TENM2: variants seen among roughly 807,000 people sequenced by gnomAD.
TENM2 encodes the protein teneurin transmembrane protein 2.
TENM2 carries 52 observed loss-of-function variants against 245.2 expected under a neutral mutation model. That is an observed-to-expected ratio of 0.21 (90% CI 0.17 to 0.27). The LOEUF (loss-of-function observed/expected upper bound fraction) is 0.27, where lower values mean the gene tolerates loss of function less well. TENM2 is among the 10% of genes least tolerant of loss of function. The pLI is 1.00. For missense variants in TENM2, 3,046 were observed against 3,666.8 expected (o/e 0.83, Z 4.37); for synonymous variants, 1,363 against 1,438.9 (o/e 0.95, Z 1.19).
At chr5:166,995,296 G>C in the TENM2 span, among the ~76,000 whole-genome samples, 7 of 151,616 alleles carry the variant, frequency 4.6e-5, no homozygotes, top group South Asian at 2.1e-4. Flanking sequence ...CTGGAGTGCA[G>C]TGGCCCAATC....
the TENM2 span, among the ~76,000 whole-genome samples, chr5:167,051,431 G>C: frequency 1.2e-5 from 1 of 85,372 alleles, no homozygotes; most frequent in African/African-American, 1.3e-4. Flanking sequence ...GGTGAATTGG[G>C]AGAAAAAAAA....
intron 1 of TENM2, among the ~76,000 whole-genome samples, chr5:167,286,043 T>TA (rs1350316628): frequency 6.6e-6 from 1 of 152,238 alleles, no homozygotes; most frequent in Non-Finnish European, 1.5e-5. Context: ...TACTACTTTT[T>TA]ATTACAAAAT....
At chr5:167,587,351 G>C (rs1775578622) in intron 2 of TENM2, among the ~76,000 whole-genome samples, 1 of 152,164 alleles carries the variant, frequency 6.6e-6, no homozygotes, top group Non-Finnish European at 1.5e-5. Flanking sequence ...AAATAAGGTA[G>C]TATGTCCGCT....
At chr5:167,932,069 T>A (rs10075943) in intron 3 of TENM2, among the ~76,000 whole-genome samples, 1 of 152,208 alleles carries the variant, frequency 6.6e-6, no homozygotes, top group East Asian at 1.9e-4. Context: ...TTGAGCTGCC[T>A]AGGTGAACAG....
chr5:167,978,950 G>A (rs1782636785), intron 4 of TENM2, among the ~76,000 whole-genome samples: 1 of 152,032 alleles, frequency 6.6e-6, no homozygotes, highest in African/African-American at 2.4e-5. Flanking sequence ...CTCCTAGAAA[G>A]GTGCCAGGAA....
intron 2 of TENM2, among the ~76,000 whole-genome samples, chr5:167,828,516 C>A (rs569321394): frequency 6.6e-6 from 1 of 152,196 alleles, no homozygotes; most frequent in Admixed American, 6.5e-5. Context: ...CGTCCTCAGC[C>A]CTGTTGAAGT....
chr5:167,086,354 T>A, the TENM2 span, among the ~76,000 whole-genome samples: 4 of 152,312 alleles, frequency 2.6e-5, no homozygotes, highest in East Asian at 7.7e-4. Context: ...GTCGCTGGGA[T>A]TCTGGGACAT....
At chr5:168,207,399 C>T (rs1007145047) in intron 19 of TENM2, among the ~76,000 whole-genome samples, 5 of 152,176 alleles carry the variant, frequency 3.3e-5, no homozygotes, top group Admixed American at 3.3e-4. Flanking sequence ...TCACGCCATG[C>T]CCACGTGGTG....
At chr5:167,707,017 A>G (rs1385225886) in intron 2 of TENM2, among the ~76,000 whole-genome samples, 32 of 148,398 alleles carry the variant, frequency 2.2e-4, no homozygotes, top group Middle Eastern at 7.1e-3. Context: ...TCCGCCTAAA[A>G]AAAAAAAAAA....
At chr5:167,354,787 G>A (rs1254644633) in intron 1 of TENM2, among the ~76,000 whole-genome samples, 1 of 152,138 alleles carries the variant, frequency 6.6e-6, no homozygotes, top group African/African-American at 2.4e-5. Context: ...TTATAAGTCT[G>A]ACACATAACA....
the TENM2 span, among the ~76,000 whole-genome samples, chr5:167,233,052 C>G: frequency 6.6e-6 from 1 of 152,144 alleles, no homozygotes; most frequent in African/African-American, 2.4e-5. Flanking sequence ...TTAACAGTGT[C>G]AGGTAGCATA....
chr5:168,001,357 A>G (rs1395365955), intron 5 of TENM2, among the ~76,000 whole-genome samples: 1 of 152,248 alleles, frequency 6.6e-6, no homozygotes, highest in Non-Finnish European at 1.5e-5. Context: ...TATCTGGCAT[A>G]AGGCCATCAT....
intron 9 of TENM2, 27 bp downstream of exon 11, chr5:168,098,154 G>A (rs372992416): frequency 2.3e-5 from 36 of 1,558,048 alleles, no homozygotes; most frequent in Non-Finnish European, 3.1e-5. Flanking sequence ...CCCTGCTATG[G>A]TTGGAAAACA....
intron 12 of TENM2, among the ~76,000 whole-genome samples, chr5:168,127,531 C>T (rs1236983017): frequency 6.6e-6 from 1 of 152,192 alleles, no homozygotes; most frequent in African/African-American, 2.4e-5. Context: ...GCTTCTGGAC[C>T]AAGGATAATT....
chr5:167,357,656 G>A (rs897858364), intron 1 of TENM2, among the ~76,000 whole-genome samples: 16 of 152,134 alleles, frequency 1.1e-4, no homozygotes, highest in African/African-American at 3.6e-4. Context: ...ATTATTTTAT[G>A]TGAATCAAGG....
rs925111409 is a variant in TENM2 at position 167,702,813 on chromosome 5, C to T, written c.503-173173C>T. ...CCAAGTAGCTGGGATTACAGGCATG[C>T]GCCACCATGCCCAGGTAATTTTTGT... On this transcript the variant is annotated intron_variant, in intron 2 of 28. Transcript: ENST00000518659. Among the ~76,000 whole-genome samples, 8 of 151,678 alleles carry T rather than the reference C, an allele frequency of 5.3e-5. No individual in the cohort carries two copies. In the South Asian group the frequency reaches 6.2e-4, roughly 12 times the overall value.
At chr5:167,975,301 A>G (rs915709587) in intron 4 of TENM2, among the ~76,000 whole-genome samples, 2 of 152,170 alleles carry the variant, frequency 1.3e-5, no homozygotes, top group African/African-American at 4.8e-5. Flanking sequence ...TTAAGAAACT[A>G]GGAAGCTTTC....
At chr5:166,995,693 A>ACGC in the TENM2 span, among the ~76,000 whole-genome samples, 4 of 151,052 alleles carry the variant, frequency 2.6e-5, no homozygotes, top group Non-Finnish European at 5.9e-5. Flanking sequence ...GCAGGTGCCT[A>ACGC]TAATCCCAGC....
chr5:167,888,417 T>C (rs1466074939), intron 3 of TENM2, among the ~76,000 whole-genome samples: 1 of 152,096 alleles, frequency 6.6e-6, no homozygotes, highest in African/African-American at 2.4e-5. Flanking sequence ...AAATAGTGCA[T>C]GCAGTCAAAG....
Sources: gnomAD v4.1 joint callset for allele counts (sites outside exome capture counted in the v4.1 genomes callset) on GRCh38, gnomAD v4.1.1 for gene constraint, MANE v1.5 for transcripts, NCBI Gene and HGNC (gene_info 2026-07-23, HGNC 2026-07-21) for gene names.